The following SLC12A6 variants were observed in gnomAD, a reference collection of about 807,000 sequenced individuals.
The protein encoded by SLC12A6 is solute carrier family 12 member 6, also known as K-Cl cotransporter 3.
A neutral mutation model predicts 135.3 loss-of-function variants in SLC12A6; 66 were observed. The ratio of observed to expected loss-of-function variants is 0.49; its 90% CI spans 0.40 to 0.60. The LOEUF (loss-of-function observed/expected upper bound fraction) is 0.60, where lower values mean the gene tolerates loss of function less well. Ranked by LOEUF, SLC12A6 falls within the 20% of genes least tolerant of loss-of-function variation. SLC12A6 has a pLI of 0.00. For synonymous variants in SLC12A6, 513 were observed against 508.8 expected (o/e 1.01, Z -0.11); for missense variants, 1,058 against 1,452.3 (o/e 0.73, Z 4.41).
At position 34,245,335 on chromosome 15, in the gene SLC12A6, C is replaced by T. The variant is rs192253331; in HGVS notation, c.1893G>A (p.Glu631=). 1.9e-6 allele frequency: 3 copies of T among 1,613,636 alleles called. No individual in the cohort carries two copies. Among genetic ancestry groups the T allele is most frequent in the Non-Finnish European group, 2.5e-6 (3 of 1,179,496 alleles). ...CCAGGGAGGCAATGAGTATTCCAAG[C>T]TCTGCAATGGCAGCAGTTAGAAGTA... The part of the protein sequence containing the change: ...WALLLTAAIA[E]LGILIASLDL... The change falls in exon 15 of 26, where the codon GAG becomes GAA. Residue 631 remains glutamate, a synonymous_variant. Transcript: ENST00000354181.
At chr15:34,309,590 A>G (rs1170726305) in intron 2 of SLC12A6, among the ~76,000 whole-genome samples, 1 of 152,222 alleles carries the variant, frequency 6.6e-6, no homozygotes, top group Non-Finnish European at 1.5e-5. Flanking sequence ...AGATTGTAAT[A>G]TGAGAAAGAA....
At chr15:34,262,160 T>C (rs1015278096) in intron 3 of SLC12A6, among the ~76,000 whole-genome samples, 6 of 152,220 alleles carry the variant, frequency 3.9e-5, no homozygotes, top group African/African-American at 1.4e-4. Flanking sequence ...TCTCTTCCCG[T>C]TTGGCATACT....
At chr15:34,310,599 G>A (rs1888143768) in intron 2 of SLC12A6, among the ~76,000 whole-genome samples, 1 of 78,418 alleles carries the variant, frequency 1.3e-5, no homozygotes, top group Non-Finnish European at 2.3e-5. Context: ...GTGTCCCCGT[G>A]TCCAGGCTGG....
intron 2 of SLC12A6, among the ~76,000 whole-genome samples, chr15:34,284,272 CTTTTCTTTTTTTTT>C (rs1894885066): frequency 8.4e-6 from 1 of 118,980 alleles, no homozygotes; most frequent in South Asian, 2.9e-4. Context: ...TTCTTTGTTT[CTTTTCTTTTTTTTT>C]TTTTTTTTTT....
chr15:34,281,731 T>C (rs764702238), intron 2 of SLC12A6, among the ~76,000 whole-genome samples: 5 of 152,134 alleles, frequency 3.3e-5, no homozygotes, highest in Non-Finnish European at 7.4e-5. Context: ...GAGGTTGCAG[T>C]GAGCCAAGAT....
intron 2 of SLC12A6, among the ~76,000 whole-genome samples, chr15:34,295,173 G>T (rs1895800097): frequency 6.6e-6 from 1 of 152,084 alleles, no homozygotes; most frequent in Admixed American, 6.6e-5. Context: ...CATTTTACAG[G>T]AAAGGCAAAG....
intron 2 of SLC12A6, 113 bp from the exon 3 acceptor site, chr15:34,275,502 C>T (rs1359015562): frequency 1.5e-6 from 1 of 680,046 alleles, no homozygotes; most frequent in African/African-American, 1.8e-5. Flanking sequence ...AATTTAAAAA[C>T]TTATGAAATA....
In SLC12A6 at chr15:34,236,693, GC is replaced by G. The variant is rs749614316; in HGVS notation, c.3042+14del. On this transcript the variant is annotated intron_variant, in intron 23 of 25. Coordinates refer to ENST00000354181, the MANE Select transcript of SLC12A6 (RefSeq NM_001365088.1). Reference sequence around the variant, plus strand: ...TTTAGAGAGCACGGATTGGATTGATGCAGTAATGTCTCACCTCTCTGTCTCG... The same window carrying G: ...TTTAGAGAGCACGGATTGGATTGATGAGTAATGTCTCACCTCTCTGTCTCG... 3 of 1,333,038 alleles carry G rather than the reference GC, an allele frequency of 2.3e-6. No homozygotes were observed. The South Asian group carries it at 3.5e-5, about 16-fold the overall frequency. 82.6% of individuals were successfully genotyped at this position (1,333,038 alleles called of 1,614,324 possible).
chr15:34,259,145 G>C (rs1266956150), intron 4 of SLC12A6, among the ~76,000 whole-genome samples: 1 of 152,106 alleles, frequency 6.6e-6, no homozygotes, highest in African/African-American at 2.4e-5. Context: ...TTTGAGACCA[G>C]CCTGGCCAAG....
At chr15:34,237,610 C>A in intron 21 of SLC12A6, 60 bp from the exon 22 acceptor site, 1 of 1,413,948 alleles carries the variant, frequency 7.1e-7, no homozygotes, top group Non-Finnish European at 1.0e-6. Flanking sequence ...AGGTTATTTC[C>A]TAAGACATTA....
chr15:34,242,120 T>C lies in SLC12A6; in HGVS notation c.2144A>G (p.Lys715Arg), dbSNP rs1396262986. 35 of 1,600,130 alleles carry C rather than the reference T, an allele frequency of 2.2e-5. No individual in the cohort carries two copies. Among genetic ancestry groups the C allele is most frequent in the Non-Finnish European group, 3.0e-5 (35 of 1,167,558 alleles). ...CACTCACCCTTGGTATTCAATGTACTTGTAGATCATACCAGCTATTACCAT... is the reference window on the plus strand; with the variant it reads ...CACTCACCCTTGGTATTCAATGTACCTGTAGATCATACCAGCTATTACCAT... ...VAMVIAGMIY[K>R]YIEYQGAEKE... is the part of the protein sequence containing the mutation. The change falls in exon 17 of 26, where the codon AAG becomes AGG. Residue 715 changes from lysine (K) to arginine (R), a missense_variant. Lys to Arg is a conservative substitution (Grantham distance 26, BLOSUM62 2). Coordinates refer to ENST00000354181, the MANE Select transcript of SLC12A6 (RefSeq NM_001365088.1).
At chr15:34,266,590 T>C (rs1378077504) in intron 3 of SLC12A6, among the ~76,000 whole-genome samples, 1 of 152,146 alleles carries the variant, frequency 6.6e-6, no homozygotes, top group Non-Finnish European at 1.5e-5. Flanking sequence ...TACAGGCTTA[T>C]GCCACCATGA....
intron 3 of SLC12A6, among the ~76,000 whole-genome samples, chr15:34,267,717 T>G (rs1893622931): frequency 6.6e-6 from 1 of 152,236 alleles, no homozygotes; most frequent in Non-Finnish European, 1.5e-5. Context: ...TTGTGTTTTC[T>G]GGCTTGTAAC....
intron 2 of SLC12A6, among the ~76,000 whole-genome samples, chr15:34,332,178 T>C (rs989702207): frequency 1.3e-5 from 2 of 152,266 alleles, no homozygotes; most frequent in Non-Finnish European, 1.5e-5. Context: ...ATAATTTATA[T>C]ACAAATGTGT....
At chr15:34,304,868 C>G (rs1384695201) in intron 2 of SLC12A6, among the ~76,000 whole-genome samples, 1 of 152,138 alleles carries the variant, frequency 6.6e-6, no homozygotes, top group Non-Finnish European at 1.5e-5. Flanking sequence ...ATTTCTATCC[C>G]TTTCATCATG....
chr15:34,299,118 T>C (rs929728478), intron 2 of SLC12A6, among the ~76,000 whole-genome samples: 1 of 152,204 alleles, frequency 6.6e-6, no homozygotes, highest in Admixed American at 6.5e-5. Context: ...AAGGGCTGCC[T>C]TTGTAAGCTC....
intron 2 of SLC12A6, among the ~76,000 whole-genome samples, chr15:34,309,607 C>CA (rs1472034986): frequency 6.6e-6 from 1 of 152,092 alleles, no homozygotes; most frequent in Admixed American, 6.5e-5. Flanking sequence ...AGAAGGGTCA[C>CA]AATCTAAACA....
rs145476179 is a variant in SLC12A6, at chr15:34,278,152, C to T, written c.272-2763G>A. Among the ~76,000 whole-genome samples, 936 of 152,246 alleles carry T rather than the reference C, an allele frequency of 6.1e-3. 14 individuals carry two copies. Among genetic ancestry groups the T allele is most frequent in the African/African-American group, 0.021 (876 of 41,540 alleles). On this transcript the variant is annotated intron_variant, in intron 2 of 25. Coordinates refer to ENST00000354181, the MANE Select transcript of SLC12A6 (RefSeq NM_001365088.1). ...TTTAAAAAGAATTAGCTCGGCTGGG[C>T]GCAGCGGCTCACGCCTGTAATTGCA...
intron 2 of SLC12A6, among the ~76,000 whole-genome samples, chr15:34,292,366 G>A (rs1050524670): frequency 1.1e-4 from 17 of 152,260 alleles, no homozygotes; most frequent in African/African-American, 3.6e-4. Flanking sequence ...TGGAAGCTTC[G>A]TCTCAGAGGG....
Sources: allele counts gnomAD v4.1 joint callset (sites outside exome capture counted in the v4.1 genomes callset), GRCh38; gene constraint gnomAD v4.1.1; transcripts MANE v1.5; gene names NCBI Gene and HGNC (gene_info 2026-07-23, HGNC 2026-07-21).